AGO1: variants seen among roughly 807,000 people sequenced by gnomAD.
The protein encoded by AGO1 is protein argonaute-1.
AGO1 carries 11 observed loss-of-function variants against 109.2 expected under a neutral mutation model. That is an observed-to-expected ratio of 0.10 (90% CI 0.06 to 0.17). The LOEUF is 0.17. AGO1 is among the 10% of genes least tolerant of loss of function. The pLI is 1.00. For missense variants in AGO1, 574 were observed against 1,140.3 expected, an observed-to-expected ratio of 0.50 and a Z score of 7.15; for synonymous variants, 422 against 418.6, an observed-to-expected ratio of 1.01 and a Z score of -0.10.
chr1:35,905,138 G>A (rs1438111382), intron 11 of AGO1, among the ~76,000 whole-genome samples: 4 of 152,166 alleles, frequency 2.6e-5, no homozygotes, highest in Non-Finnish European at 5.9e-5. Flanking sequence ...TCTGGTAGTA[G>A]AGAGAAGATT....
chr1:35,870,394 T>C (rs568973460), intron 1 of AGO1, among the ~76,000 whole-genome samples: 27 of 152,086 alleles, frequency 1.8e-4, no homozygotes, highest in East Asian at 5.8e-4. Context: ...CGCCATTCTC[T>C]TGCCTCAGCC....
intron 2 of AGO1, among the ~76,000 whole-genome samples, chr1:35,889,914 C>T (rs1191663927): frequency 4.0e-5 from 6 of 151,802 alleles, no homozygotes; most frequent in African/African-American, 1.2e-4. Context: ...AGGGTTTCAC[C>T]ATGTTGACCA....
Position 35,919,617 on chromosome 1 carries a change from G to A in AGO1, c.*10G>A, listed in dbSNP as rs1645796023. 5 of 1,609,982 alleles carry A rather than the reference G, an allele frequency of 3.1e-6. No homozygotes were observed. In the South Asian group the frequency reaches 3.3e-5, roughly 11 times the overall value. On this transcript the variant is annotated 3_prime_UTR_variant, in exon 19 of 19. Coordinates refer to ENST00000373204, the MANE Select transcript of AGO1 (RefSeq NM_012199.5). This position sits in a 1 kb window ranked among gnomAD's most constrained non-coding sequence, Gnocchi z 6.6. ...CATGTACTTCGCTTGAAGGCAGAACGCTGTTACCTCACTGGATAGAAGAAA... is the reference window on the plus strand; with the variant it reads ...CATGTACTTCGCTTGAAGGCAGAACACTGTTACCTCACTGGATAGAAGAAA...
At position 35,920,388 on chromosome 1, in the gene AGO1, C is replaced by G. The variant is rs1309107602; in HGVS notation, c.*781C>G. On this transcript the variant is annotated 3_prime_UTR_variant, in exon 19 of 19. Coordinates refer to ENST00000373204, the MANE Select transcript of AGO1 (RefSeq NM_012199.5). ...CCGCTGGTGGGTAACCAGTGCCTTC[C>G]CTGTAACGGTAATGCTGCAGAACTG... The G allele has an allele frequency of 1.3e-5, 2 of 152,458 alleles. No homozygotes were observed. Among genetic ancestry groups the G allele is most frequent in the East Asian group, 3.8e-4 (2 of 5,198 alleles). The allele number at this position is 152,458 out of a possible 1,614,324, so 9.4% of individuals were successfully genotyped here. A position where few individuals can be genotyped will look rare whatever the true frequency, so the allele number is the denominator to read the frequency against.
chr1:35,922,716 G>A lies in AGO1; in HGVS notation c.*3109G>A, dbSNP rs2148728410. 6.6e-6 allele frequency: 1 copy of A among 152,542 alleles called. No homozygotes were observed. The highest frequency in any genetic ancestry group is 2.1e-4 in the South Asian group (1 of 4,832). The allele number at this position is 152,542 out of a possible 1,614,324, so 9.4% of individuals were successfully genotyped here. A position where few individuals can be genotyped will look rare whatever the true frequency, so the allele number is the denominator to read the frequency against. ...GGTCAGGCTTAGCTCCTTGACTGCA[G>A]AAGACCAAGAACCTGTTCCCCAAGC... On this transcript the variant is annotated 3_prime_UTR_variant, in exon 19 of 19. Coordinates refer to ENST00000373204, the MANE Select transcript of AGO1 (RefSeq NM_012199.5).
At position 35,893,420 on chromosome 1, in the gene AGO1, G is replaced by C. The variant is rs1378668254; in HGVS notation, c.512+142G>C. 2.0e-6 allele frequency: 2 copies of C among 989,784 alleles called. No homozygotes were observed. Among genetic ancestry groups the C allele is most frequent in the Non-Finnish European group, 2.9e-6 (2 of 687,966 alleles). 61.3% of individuals were successfully genotyped at this position (989,784 alleles called of 1,614,324 possible). A position where few individuals can be genotyped will look rare whatever the true frequency, so the allele number is the denominator to read the frequency against. On this transcript the variant is annotated intron_variant, in intron 4 of 18. Coordinates refer to ENST00000373204, the MANE Select transcript of AGO1 (RefSeq NM_012199.5). This position sits in a 1 kb window ranked among gnomAD's most constrained non-coding sequence, Gnocchi z 5.6. ...GCCCTACCACTTGCCAGGCAAATGTGTATTTATATTTAGATGGTTTAAAGC... is the reference window on the plus strand; with the variant it reads ...GCCCTACCACTTGCCAGGCAAATGTCTATTTATATTTAGATGGTTTAAAGC...
intron 12 of AGO1, among the ~76,000 whole-genome samples, chr1:35,910,067 C>A (rs768783010): frequency 6.6e-6 from 1 of 150,376 alleles, no homozygotes; most frequent in Non-Finnish European, 1.5e-5. Flanking sequence ...CATTTACATG[C>A]GGTTCCTTGA....
upstream of AGO1, among the ~76,000 whole-genome samples, chr1:35,879,484 G>T (rs978402588): frequency 6.7e-6 from 1 of 149,934 alleles, no homozygotes; most frequent in African/African-American, 2.5e-5. Context: ...GCAGCTGGGC[G>T]CAGTGGCTCA....
intron 1 of AGO1, among the ~76,000 whole-genome samples, chr1:35,876,807 G>C (rs1482130840): frequency 6.6e-6 from 1 of 152,160 alleles, no homozygotes. Context: ...TTAAGAGACA[G>C]GCTTTGGCTG....
chr1:35,903,164 G>A (rs192633817), intron 11 of AGO1, among the ~76,000 whole-genome samples: 36 of 151,832 alleles, frequency 2.4e-4, no homozygotes, highest in South Asian at 1.3e-3. Flanking sequence ...CCGCCACCAC[G>A]CCCAGCTAAT....
At chr1:35,872,761 CAG>C (rs1381373308) in intron 1 of AGO1, among the ~76,000 whole-genome samples, 14 of 151,918 alleles carry the variant, frequency 9.2e-5, no homozygotes, top group Admixed American at 8.5e-4. Flanking sequence ...TTTGTGGAAA[CAG>C]AGTCTTGGTA....
intron 3 of AGO1, among the ~76,000 whole-genome samples, 169 bp from the exon 4 acceptor site, chr1:35,892,928 A>G (rs974376715): frequency 9.2e-5 from 14 of 152,224 alleles, no homozygotes; most frequent in African/African-American, 3.4e-4. Flanking sequence ...TGAGAGGAAC[A>G]GAAGCACTGA....
chr1:35,893,027 T>C lies in AGO1; in HGVS notation c.331-70T>C. On this transcript the variant is annotated intron_variant, in intron 3 of 18. Coordinates refer to ENST00000373204, the MANE Select transcript of AGO1 (RefSeq NM_012199.5). The surrounding 1 kb of genome is among the most constrained non-coding windows in gnomAD (Gnocchi z 5.6). ...ACTTGAAAAACATGTTCTCAGCAAA[T>C]CCATGGAGTTGGGGGTCATTCTCGC... The C allele has an allele frequency of 7.0e-7, 1 of 1,430,342 alleles. No homozygotes were observed. The highest frequency in any genetic ancestry group is 1.3e-5 in the South Asian group (1 of 78,114). 88.6% of individuals were successfully genotyped at this position (1,430,342 alleles called of 1,614,324 possible). A position where few individuals can be genotyped will look rare whatever the true frequency, so the allele number is the denominator to read the frequency against.
At chr1:35,908,255 A>G (rs1645561356) in intron 12 of AGO1, among the ~76,000 whole-genome samples, 1 of 152,038 alleles carries the variant, frequency 6.6e-6, no homozygotes, top group Non-Finnish European at 1.5e-5. Context: ...GACTTTTCTC[A>G]GTTGTCCTCT....
chr1:35,880,482 C>G, upstream of AGO1, among the ~76,000 whole-genome samples: 1 of 152,076 alleles, frequency 6.6e-6, no homozygotes, highest in East Asian at 1.9e-4. Context: ...GAATTACTTG[C>G]GCCTGAGAGG....
chr1:35,912,302 T>G (rs935690907), intron 12 of AGO1, among the ~76,000 whole-genome samples: 7 of 134,708 alleles, frequency 5.2e-5, no homozygotes, highest in African/African-American at 8.6e-5. Flanking sequence ...GAGCTTGCAG[T>G]GAGCCGAGAT....
intron 1 of AGO1, among the ~76,000 whole-genome samples, chr1:35,875,205 GGCTTCAAA>G (rs1459891168): frequency 6.6e-6 from 1 of 152,124 alleles, no homozygotes; most frequent in African/African-American, 2.4e-5. Flanking sequence ...ATCAATGCCT[GGCTTCAAA>G]GCTTCAAAGC....
At chr1:35,872,620 T>C (rs1644961050) in intron 1 of AGO1, among the ~76,000 whole-genome samples, 1 of 152,170 alleles carries the variant, frequency 6.6e-6, no homozygotes. Context: ...TCGCCCAGGC[T>C]GGAGGGCAGT....
chr1:35,871,797 C>T lies in AGO1; in HGVS notation c.-201+1894C>T, dbSNP rs535579936. 3.3e-4 allele frequency among the ~76,000 whole-genome samples: 50 copies of T among 150,246 alleles called. 2 individuals carry two copies. The South Asian group carries it at 0.01, about 31-fold the overall frequency. ...AAAAAAAATAATTGTTGCCTGGGTGCGGTGGCTCACGCCTGTAATCCCAGC... is the reference window on the plus strand; with the variant it reads ...AAAAAAAATAATTGTTGCCTGGGTGTGGTGGCTCACGCCTGTAATCCCAGC... On this transcript the variant is annotated intron_variant, in intron 1 of 18. Transcript: ENST00000373206.
Sources: gnomAD v4.1 joint callset for allele counts (sites outside exome capture counted in the v4.1 genomes callset) on GRCh38, gnomAD v4.1.1 for gene constraint, Gnocchi (gnomAD v3.1) non-coding constraint, MANE v1.5 for transcripts, NCBI Gene and HGNC (gene_info 2026-07-23, HGNC 2026-07-21) for gene names.